The following ZMYND8 variants were observed in gnomAD, a reference collection of about 807,000 sequenced individuals.
The protein encoded by ZMYND8 is zinc finger MYND-type containing 8, also known as MYND-type zinc finger-containing chromatin reader ZMYND8.
In ZMYND8, 37 loss-of-function variants were observed where a neutral mutation model predicts 140.8. That is an observed-to-expected ratio of 0.26 (90% CI 0.20 to 0.35). The LOEUF (loss-of-function observed/expected upper bound fraction) is 0.35. Among genes scored for constraint, ZMYND8 ranks in the 10% least tolerant of loss-of-function variants. ZMYND8 has a pLI of 1.00. For missense variants in ZMYND8, 1,068 were observed against 1,570.0 expected (o/e 0.68, Z 5.40); for synonymous variants, 592 against 597.1 (o/e 0.99, Z 0.12).
At chr20:47,351,770 T>C (rs192730153) in intron 1 of ZMYND8, 102 of 985,428 alleles carry the variant, frequency 1.0e-4, no homozygotes, top group Non-Finnish European at 2.4e-6. Context: ...AAATGGCGTC[T>C]GGCAACACTG....
chr20:47,290,622 G>A (rs1298406988), intron 6 of ZMYND8, among the ~76,000 whole-genome samples: 1 of 48,642 alleles, frequency 2.1e-5, no homozygotes, highest in Non-Finnish European at 3.8e-5. Flanking sequence ...GTGGAGTTTT[G>A]CTCTTATTGC....
In ZMYND8 at chr20:47,342,120, C is replaced by T. The variant is rs113268499; in HGVS notation, c.85+5736G>A. 9.3e-5 allele frequency among the ~76,000 whole-genome samples: 14 copies of T among 151,310 alleles called. 1 individual carries two copies. Among genetic ancestry groups the T allele is most frequent in the Admixed American group, 2.0e-4 (3 of 15,156 alleles). On this transcript the variant is annotated intron_variant, in intron 2 of 22. Transcript: ENST00000471951. ...CCAGGAGGCAGAGGTTGCAATGAGCCGAGATTGTGCCACTGCACTCCAGCC... is the reference window on the plus strand; with the variant it reads ...CCAGGAGGCAGAGGTTGCAATGAGCTGAGATTGTGCCACTGCACTCCAGCC...
chr20:47,294,880 A>T (rs780542244), intron 4 of ZMYND8, 101 bp from the exon 5 acceptor site: 17 of 1,082,356 alleles, frequency 1.6e-5, no homozygotes, highest in Non-Finnish European at 2.4e-5. Context: ...ACAAAAAGCA[A>T]TTCTCATCCC....
At position 47,283,637 on chromosome 20, in the gene ZMYND8, G is replaced by T; in HGVS notation, c.816C>A (p.Ile272=). 1.2e-6 allele frequency: 2 copies of T among 1,613,910 alleles called. No homozygotes were observed. The highest frequency in any genetic ancestry group is 2.2e-5 in the South Asian group (2 of 91,032). The change falls in exon 9 of 23, where the codon ATC becomes ATA. Residue 272 remains isoleucine (I), a synonymous_variant. Coordinates refer to ENST00000471951, the MANE Select transcript of ZMYND8 (RefSeq NM_001281775.3). ...IKICEHEMNE[I]EVCPECYLAA... ...CTAGATAACATTCTGGACATACTTC[G>T]ATTTCATTCATCTGTAAAGCAAAAA...
At chr20:47,299,728 C>T (rs1023192496) in intron 3 of ZMYND8, among the ~76,000 whole-genome samples, 3 of 152,098 alleles carry the variant, frequency 2.0e-5, no homozygotes, top group East Asian at 1.9e-4. Flanking sequence ...GGACTACAGG[C>T]GTGTGCCACC....
At chr20:47,238,489 T>C in intron 15 of ZMYND8, 1 of 551,142 alleles carries the variant, frequency 1.8e-6, no homozygotes. Context: ...TAACAGACTT[T>C]TATGTAAAAC....
At chr20:47,255,013 G>A (rs540626252) in intron 12 of ZMYND8, among the ~76,000 whole-genome samples, 4 of 152,176 alleles carry the variant, frequency 2.6e-5, no homozygotes, top group African/African-American at 7.2e-5. Flanking sequence ...ACGTAGTGGC[G>A]CGCGCCTGTA....
At chr20:47,350,190 T>A (rs1211757102) in intron 1 of ZMYND8, among the ~76,000 whole-genome samples, 1 of 152,006 alleles carries the variant, frequency 6.6e-6, no homozygotes. Flanking sequence ...GCACAACAAT[T>A]TAAGAAAACC....
intron 21 of ZMYND8, 73 bp from the exon 22 acceptor site, chr20:47,212,798 ATT>A: frequency 7.3e-7 from 1 of 1,370,918 alleles, no homozygotes; most frequent in Non-Finnish European, 1.0e-6. Context: ...AGTGCTTACT[ATT>A]TTTGTTCATC....
intron 12 of ZMYND8, among the ~76,000 whole-genome samples, chr20:47,258,387 T>G (rs576478320): frequency 6.6e-6 from 1 of 152,362 alleles, no homozygotes; most frequent in East Asian, 1.9e-4. Context: ...CTTTAAAGGT[T>G]GTTGTAATTT....
At chr20:47,340,102 C>T (rs888218420) in intron 2 of ZMYND8, among the ~76,000 whole-genome samples, 25 of 152,040 alleles carry the variant, frequency 1.6e-4, no homozygotes, top group African/African-American at 5.3e-4. Flanking sequence ...GCCACCACAC[C>T]CAGCTAATTT....
chr20:47,290,882 C>T (rs868116382), intron 6 of ZMYND8, among the ~76,000 whole-genome samples: 40 of 152,114 alleles, frequency 2.6e-4, no homozygotes, highest in Middle Eastern at 3.4e-3. Context: ...TGAGCCACCG[C>T]GCCCGGCCAA....
At chr20:47,335,257 CA>C (rs200716259) in intron 2 of ZMYND8, among the ~76,000 whole-genome samples, 3 of 147,486 alleles carry the variant, frequency 2.0e-5, no homozygotes, top group African/African-American at 2.5e-5. Context: ...AACAAACAAA[CA>C]AAAAAAAAGG....
At chr20:47,329,116 T>TG (rs2148430594) in intron 2 of ZMYND8, among the ~76,000 whole-genome samples, 1 of 152,198 alleles carries the variant, frequency 6.6e-6, no homozygotes, top group East Asian at 1.9e-4. Context: ...CAGGAGGCAA[T>TG]GACCAAGCAA....
chr20:47,227,100 T>C (rs565865932), intron 18 of ZMYND8, 103 bp downstream of exon 18: 4 of 1,228,952 alleles, frequency 3.3e-6, no homozygotes, highest in African/African-American at 3.0e-5. Context: ...CATACAATCC[T>C]AGCCTAGCTT....
intron 2 of ZMYND8, among the ~76,000 whole-genome samples, chr20:47,338,131 C>G (rs2081532637): frequency 6.6e-6 from 1 of 152,110 alleles, no homozygotes; most frequent in South Asian, 2.1e-4. Flanking sequence ...TTTGAGGACC[C>G]ATCTCTTTCC....
chr20:47,221,486 G>GGA lies in ZMYND8; in HGVS notation c.3257-14_3257-13dup, dbSNP rs754029086. 4.0e-5 allele frequency: 65 copies of GGA among 1,612,716 alleles called. No individual in the cohort carries two copies. Among genetic ancestry groups the GGA allele is most frequent in the East Asian group, 8.9e-5 (4 of 44,860 alleles). On this transcript the variant is annotated splice_polypyrimidine_tract_variant and intron_variant, in intron 19 of 22. Transcript: ENST00000471951. ...CTGAGGAGCAGTAGCTGGGGACAAA[G>GGA]GAGAGAGAGAGACGCCACATATACA...
At chr20:47,221,592 T>C (rs960245952) in intron 19 of ZMYND8, 118 bp from the exon 20 acceptor site, 2 of 1,291,546 alleles carry the variant, frequency 1.5e-6, no homozygotes, top group African/African-American at 3.0e-5. Flanking sequence ...ACCCAGGGCA[T>C]AAAAGTGGAG....
chr20:47,283,513 G>T (rs1025597763), intron 9 of ZMYND8, 58 bp downstream of exon 9: 3 of 1,568,688 alleles, frequency 1.9e-6, no homozygotes, highest in Non-Finnish European at 2.6e-6. Context: ...CTGTCTCAGG[G>T]TAGTCATCCA....
Sources: gnomAD v4.1 joint callset for allele counts (sites outside exome capture counted in the v4.1 genomes callset) on GRCh38, gnomAD v4.1.1 for gene constraint, MANE v1.5 for transcripts, NCBI Gene and HGNC (gene_info 2026-07-23, HGNC 2026-07-21) for gene names.